Variants in RYR2 observed in about 807,000 individuals in gnomAD.
The protein encoded by RYR2 is ryanodine receptor 2.
Under a neutral mutation model 601.1 loss-of-function variants are expected in RYR2, and 227 were observed. That is an observed-to-expected ratio of 0.38 (90% confidence interval 0.34 to 0.42). The LOEUF (loss-of-function observed/expected upper bound fraction) is 0.42. RYR2 is among the 10% of genes least tolerant of loss of function. RYR2 has a pLI of 1.00. For synonymous variants in RYR2, 2,223 were observed against 2,175.1 expected (o/e 1.02, Z -0.61); for missense variants, 4,646 against 6,156.5 (o/e 0.75, Z 8.21).
At chr1:237,075,147 C>G (rs987113673) in intron 1 of RYR2, among the ~76,000 whole-genome samples, 4 of 152,138 alleles carry the variant, frequency 2.6e-5, no homozygotes, top group South Asian at 4.1e-4. Context: ...TTTTGGAAAG[C>G]CTGTTTCATA....
chr1:237,355,560 C>CA (rs1699222416), intron 3 of RYR2, among the ~76,000 whole-genome samples: 1 of 152,054 alleles, frequency 6.6e-6, no homozygotes, highest in Non-Finnish European at 1.5e-5. Flanking sequence ...ATGAGAGAAA[C>CA]TGTAGTTAGA....
intron 29 of RYR2, among the ~76,000 whole-genome samples, chr1:237,588,678 C>T (rs908186759): frequency 6.6e-6 from 1 of 152,058 alleles, no homozygotes; most frequent in African/African-American, 2.4e-5. Flanking sequence ...ACTAAAAATA[C>T]AAAAATTAGC....
chr1:237,127,386 C>T (rs1205149465), intron 1 of RYR2, among the ~76,000 whole-genome samples: 99 of 149,922 alleles, frequency 6.6e-4, no homozygotes, highest in Non-Finnish European at 1.3e-3. Flanking sequence ...CCTCACCTCC[C>T]GGACGGGGCG....
Position 237,133,100 on chromosome 1 carries a change from A to T in RYR2, c.48+90531A>T, listed in dbSNP as rs149384532. On this transcript the variant is annotated intron_variant, in intron 1 of 104. Transcript: ENST00000366574. ...GAGGAGACAGCGTGGGTTGGGAGAC[A>T]GTGGGCTGGTGGCAAGATTAGGAAT... Among the ~76,000 whole-genome samples, 50 of 152,298 alleles carry T rather than the reference A, an allele frequency of 3.3e-4. No individual in the cohort carries two copies. The East Asian group carries it at 8.5e-3, about 26-fold the overall frequency.
chr1:237,096,514 T>C (rs746519733), intron 1 of RYR2, among the ~76,000 whole-genome samples: 13 of 152,198 alleles, frequency 8.5e-5, no homozygotes, highest in Non-Finnish European at 1.8e-4. Flanking sequence ...GTTCTAATTT[T>C]CCTAAGTGGC....
At chr1:237,569,556 A>G (rs1672448929) in intron 29 of RYR2, among the ~76,000 whole-genome samples, 1 of 152,188 alleles carries the variant, frequency 6.6e-6, no homozygotes, top group African/African-American at 2.4e-5. Flanking sequence ...TTTTATGAGT[A>G]TGAATAAGAA....
intron 37 of RYR2, among the ~76,000 whole-genome samples, chr1:237,616,766 T>C (rs1678515791): frequency 6.6e-6 from 1 of 152,066 alleles, no homozygotes; most frequent in South Asian, 2.1e-4. Flanking sequence ...ACTGAGTAAT[T>C]TATAAAGGGA....
intron 25 of RYR2, among the ~76,000 whole-genome samples, chr1:237,530,807 G>T (rs528743991): frequency 1.1e-4 from 17 of 152,226 alleles, no homozygotes; most frequent in Non-Finnish European, 2.1e-4. Flanking sequence ...CTACTCGGGA[G>T]GCTGAGACAG....
intron 92 of RYR2, among the ~76,000 whole-genome samples, chr1:237,789,923 G>A (rs1658173414): frequency 6.6e-6 from 1 of 152,228 alleles, no homozygotes; most frequent in Non-Finnish European, 1.5e-5. Context: ...AACTGACGCA[G>A]TCTGGGTGTG....
chr1:237,272,667 A>G (rs115288211), intron 2 of RYR2, among the ~76,000 whole-genome samples: 44 of 150,760 alleles, frequency 2.9e-4, no homozygotes, highest in Non-Finnish European at 5.2e-4. Context: ...AAGAAGCAGA[A>G]TAATATCTAA....
rs558335277 is a variant in RYR2, at chr1:237,315,145, T to C, written c.169-15733T>C. On this transcript the variant is annotated intron_variant, in intron 2 of 104. Coordinates refer to ENST00000366574, the MANE Select transcript of RYR2 (RefSeq NM_001035.3). ...AATGAATAAGATGAGTACATGTGTG[T>C]TTTCTTTCTCCTCTTTGTCCTTTGT... is the stretch of plus-strand genomic sequence containing the variant. Among the ~76,000 whole-genome samples, 4 of 152,286 alleles carry C rather than the reference T, an allele frequency of 2.6e-5. No homozygotes were observed. In the South Asian group the frequency reaches 6.2e-4, roughly 24 times the overall value.
intron 29 of RYR2, among the ~76,000 whole-genome samples, 194 bp from the exon 30 acceptor site, chr1:237,589,599 G>A (rs1674922668): frequency 6.6e-6 from 1 of 152,174 alleles, no homozygotes; most frequent in Non-Finnish European, 1.5e-5. Context: ...AAATTATAAT[G>A]TCAAGATCAA....
intron 2 of RYR2, among the ~76,000 whole-genome samples, chr1:237,305,157 A>C (rs978337792): frequency 2.0e-5 from 3 of 152,166 alleles, no homozygotes; most frequent in Non-Finnish European, 4.4e-5. Flanking sequence ...TATTCTAGCA[A>C]GACTTTTGCT....
At chr1:237,539,751 C>T (rs997547297) in intron 25 of RYR2, among the ~76,000 whole-genome samples, 2 of 152,072 alleles carry the variant, frequency 1.3e-5, no homozygotes, top group African/African-American at 2.4e-5. Flanking sequence ...GGGCTTCACA[C>T]GTAGTTGATG....
chr1:237,612,975 G>A (rs1176943687), intron 36 of RYR2, among the ~76,000 whole-genome samples: 1 of 152,168 alleles, frequency 6.6e-6, no homozygotes, highest in East Asian at 1.9e-4. Flanking sequence ...ATATGGATAG[G>A]AAAATAAAAC....
At chr1:237,092,820 C>T (rs527758453) in intron 1 of RYR2, among the ~76,000 whole-genome samples, 48 of 152,306 alleles carry the variant, frequency 3.2e-4, no homozygotes, top group Non-Finnish European at 5.6e-4. Flanking sequence ...CGTGAGCCAC[C>T]GTGTCTGGCC....
At chr1:237,192,499 G>A (rs1287317504) in intron 1 of RYR2, among the ~76,000 whole-genome samples, 1 of 152,242 alleles carries the variant, frequency 6.6e-6, no homozygotes, top group Non-Finnish European at 1.5e-5. Context: ...ACAGGCATGA[G>A]CCACAGCGCC....
Position 237,441,487 on chromosome 1 carries a change from AGGTG to A in RYR2, c.1170+5_1170+8del. The A allele has an allele frequency of 6.8e-7, 1 of 1,462,216 alleles. No homozygotes were observed. Among genetic ancestry groups the A allele is most frequent in the Admixed American group, 2.3e-5 (1 of 43,404 alleles). 90.6% of individuals were successfully genotyped at this position (1,462,216 alleles called of 1,614,324 possible). ...AATGGGATCTATACAACGTAAGGTA[AGGTG>A]ATAGAAAAAAACATAATTTATAGAA... On this transcript the variant is annotated splice_donor_5th_base_variant and intron_variant, in intron 13 of 104. Transcript: ENST00000366574.
intron 101 of RYR2, among the ~76,000 whole-genome samples, chr1:237,822,609 A>G (rs1662638262): frequency 6.6e-6 from 1 of 152,230 alleles, no homozygotes; most frequent in Admixed American, 6.5e-5. Flanking sequence ...CACTATGAAG[A>G]AACTGCATCA....
Sources: allele counts gnomAD v4.1 joint callset (sites outside exome capture counted in the v4.1 genomes callset), GRCh38; gene constraint gnomAD v4.1.1; transcripts MANE v1.5; gene names NCBI Gene and HGNC (gene_info 2026-07-23, HGNC 2026-07-21).